The following LINGO2 variants were observed in gnomAD, a reference collection of about 807,000 sequenced individuals.
LINGO2 encodes the protein leucine-rich repeat and immunoglobulin-like domain-containing nogo receptor-interacting protein 2.
Under a neutral mutation model 30.6 loss-of-function variants are expected in LINGO2, and 14 were observed. That is an observed-to-expected ratio of 0.46 (90% CI 0.30 to 0.72). The LOEUF is 0.72. LINGO2 is among the 30% of genes least tolerant of loss of function. The probability of loss-of-function intolerance (pLI) is 0.07; values close to 1 mark genes in which losing one functional copy is unlikely to be tolerated. For synonymous variants in LINGO2, 317 were observed against 288.5 expected, an observed-to-expected ratio of 1.10 and a Z score of -1.00; for missense variants, 729 against 751.7, an observed-to-expected ratio of 0.97 and a Z score of 0.35.
chr9:28,433,690 A>G (rs1022626388), intron 2 of LINGO2, among the ~76,000 whole-genome samples: 2 of 152,108 alleles, frequency 1.3e-5, no homozygotes, highest in Non-Finnish European at 2.9e-5. Context: ...AATGTACATT[A>G]GTACAACCAC....
chr9:28,679,628 A>C, the LINGO2 span, among the ~76,000 whole-genome samples: 1 of 152,010 alleles, frequency 6.6e-6, no homozygotes, highest in Non-Finnish European at 1.5e-5. Flanking sequence ...AACAACCATC[A>C]CCTCACATAT....
At chr9:28,614,003 CA>C in intron 1 of LINGO2, among the ~76,000 whole-genome samples, 1 of 152,004 alleles carries the variant, frequency 6.6e-6, no homozygotes, top group South Asian at 2.1e-4. Context: ...GCTCATGGGC[CA>C]TTCTAAAAGA....
chr9:28,507,702 T>C (rs899216674), intron 1 of LINGO2, among the ~76,000 whole-genome samples: 1 of 152,092 alleles, frequency 6.6e-6, no homozygotes, highest in Non-Finnish European at 1.5e-5. Context: ...GGTTAAAGAA[T>C]ATATACTCAA....
Position 28,610,633 on chromosome 9 carries a change from C to T in LINGO2, c.-365+59567G>A, listed in dbSNP as rs972815355. Among the ~76,000 whole-genome samples, 3 of 152,304 alleles carry T rather than the reference C, an allele frequency of 2.0e-5. No individual in the cohort carries two copies. The South Asian group carries it at 6.2e-4, about 32-fold the overall frequency. ...GCAGAGACCAGGATTTCAACAGACA[C>T]TGAAACTGCCAGTTCCTTGATCTTA... On this transcript the variant is annotated intron_variant, in intron 1 of 5. Transcript: ENST00000379992.
At chr9:28,033,390 G>C (rs974816047) in intron 4 of LINGO2, among the ~76,000 whole-genome samples, 4 of 152,134 alleles carry the variant, frequency 2.6e-5, no homozygotes, top group African/African-American at 4.8e-5. Context: ...TCTCTTATTA[G>C]CAGTCATCAA....
downstream of LINGO2, among the ~76,000 whole-genome samples, chr9:27,944,723 T>C (rs890905534): frequency 6.6e-6 from 1 of 152,138 alleles, no homozygotes; most frequent in Non-Finnish European, 1.5e-5. Context: ...ATGTTAATTA[T>C]AGTAATAGAG....
chr9:28,251,778 A>T (rs1822210166), intron 4 of LINGO2, among the ~76,000 whole-genome samples: 1 of 152,114 alleles, frequency 6.6e-6, no homozygotes, highest in South Asian at 2.1e-4. Context: ...TTCAGAGTGA[A>T]AAAAAACTAT....
At chr9:28,762,024 G>A in the LINGO2 span, among the ~76,000 whole-genome samples, 1 of 151,414 alleles carries the variant, frequency 6.6e-6, no homozygotes, top group Admixed American at 6.6e-5. Context: ...CCTCTATTCT[G>A]TACCTTTGTG....
the LINGO2 span, among the ~76,000 whole-genome samples, chr9:28,987,576 C>T: frequency 6.6e-6 from 1 of 151,956 alleles, no homozygotes; most frequent in Non-Finnish European, 1.5e-5. Context: ...CTTCTTCCTG[C>T]TGACTTTGGA....
At chr9:28,215,732 C>T (rs75912184) in intron 4 of LINGO2, among the ~76,000 whole-genome samples, 6 of 151,760 alleles carry the variant, frequency 4.0e-5, no homozygotes, top group African/African-American at 1.4e-4. Flanking sequence ...ATAAAATACG[C>T]GGGACCAGAA....
At chr9:29,020,487 G>C in the LINGO2 span, among the ~76,000 whole-genome samples, 3 of 152,114 alleles carry the variant, frequency 2.0e-5, no homozygotes, top group Non-Finnish European at 4.4e-5. Context: ...AGTAAGTATG[G>C]GCTTGGCTTC....
intron 4 of LINGO2, among the ~76,000 whole-genome samples, chr9:28,044,786 C>G (rs202180650): frequency 0.037 from 5,647 of 152,090 alleles, 150 homozygotes; most frequent in East Asian, 0.077. Context: ...TGGCTTCTCT[C>G]TCAGGCATAT....
intron 1 of LINGO2, among the ~76,000 whole-genome samples, chr9:28,569,621 C>G (rs1823572358): frequency 7.7e-6 from 1 of 129,754 alleles, no homozygotes; most frequent in African/African-American, 3.1e-5. Context: ...TTACCAGGGG[C>G]TGGGGGGTAG....
chr9:29,067,112 A>G, the LINGO2 span, among the ~76,000 whole-genome samples: 1 of 151,888 alleles, frequency 6.6e-6, no homozygotes, highest in Admixed American at 6.6e-5. Flanking sequence ...TACAGAAGGT[A>G]ACACCTTTTT....
chr9:28,392,910 A>T (rs1047774642), intron 2 of LINGO2, among the ~76,000 whole-genome samples: 1 of 152,160 alleles, frequency 6.6e-6, no homozygotes, highest in African/African-American at 2.4e-5. Flanking sequence ...TTGTTTTTTC[A>T]AATTTAGATG....
the LINGO2 span, among the ~76,000 whole-genome samples, chr9:29,011,999 G>A: frequency 6.6e-6 from 1 of 152,086 alleles, no homozygotes; most frequent in African/African-American, 2.4e-5. Context: ...ACATTTATCA[G>A]TGCTATGTTT....
chr9:28,903,567 C>G, the LINGO2 span, among the ~76,000 whole-genome samples: 1 of 152,102 alleles, frequency 6.6e-6, no homozygotes, highest in East Asian at 1.9e-4. Context: ...CCTCAAACTC[C>G]TGGGCTCAAG....
Position 28,439,831 on chromosome 9 carries a change from G to A in LINGO2, c.-279+36109C>T, listed in dbSNP as rs571432503. 4.0e-4 allele frequency among the ~76,000 whole-genome samples: 61 copies of A among 152,276 alleles called. 1 individual carries two copies. The South Asian group carries it at 0.012, about 31-fold the overall frequency. On this transcript the variant is annotated intron_variant, in intron 2 of 5. Transcript: ENST00000379992. ...TGAAACTAGCTTTGTTCAGTGATATGTGTTACTCTGTGAGGAAACTTTAAG... is the reference window on the plus strand; with the variant it reads ...TGAAACTAGCTTTGTTCAGTGATATATGTTACTCTGTGAGGAAACTTTAAG...
intron 1 of LINGO2, among the ~76,000 whole-genome samples, chr9:28,498,361 G>C (rs573558297): frequency 6.6e-6 from 1 of 152,154 alleles, no homozygotes; most frequent in Non-Finnish European, 1.5e-5. Flanking sequence ...GCAATGGCGG[G>C]CGCCCCTCCG....
Sources: allele counts gnomAD v4.1 joint callset (sites outside exome capture counted in the v4.1 genomes callset), GRCh38; gene constraint gnomAD v4.1.1; transcripts MANE v1.5; gene names NCBI Gene and HGNC (gene_info 2026-07-23, HGNC 2026-07-21).